The following MTCH2 variants were observed in gnomAD, a reference collection of about 807,000 sequenced individuals.
The protein encoded by MTCH2 is mitochondrial carrier 2, also known as mitochondrial carrier homolog 2.
A neutral mutation model predicts 50.6 loss-of-function variants in MTCH2; 25 were observed. The ratio of observed to expected loss-of-function variants is 0.49; its 90% confidence interval spans 0.36 to 0.69. The LOEUF (loss-of-function observed/expected upper bound fraction) is 0.69. Ranked by LOEUF, MTCH2 falls within the 30% of genes least tolerant of loss-of-function variation. The probability of loss-of-function intolerance (pLI) is 0.00; values close to 1 mark genes in which losing one functional copy is unlikely to be tolerated. For missense variants in MTCH2, 273 were observed against 384.4 expected, an observed-to-expected ratio of 0.71 and a Z score of 2.42; for synonymous variants, 106 against 132.0, an observed-to-expected ratio of 0.80 and a Z score of 1.35.
intron 10 of MTCH2, among the ~76,000 whole-genome samples, chr11:47,626,623 T>C (rs1211577278): frequency 1.3e-5 from 2 of 151,874 alleles, no homozygotes; most frequent in East Asian, 1.9e-4. Context: ...TATTCTCTCT[T>C]TTTTTTTGAG....
intron 5 of MTCH2, among the ~76,000 whole-genome samples, chr11:47,632,810 C>A (rs551717644): frequency 6.6e-6 from 1 of 151,144 alleles, no homozygotes; most frequent in African/African-American, 2.4e-5. Context: ...GTGATTCTCC[C>A]GCCTCAGCCT....
chr11:47,641,874 C>G (rs1400979465), intron 1 of MTCH2, among the ~76,000 whole-genome samples: 1 of 150,388 alleles, frequency 6.6e-6, no homozygotes, highest in Non-Finnish European at 1.5e-5. Context: ...AACCTCGGAA[C>G]AGAAAAGCAG....
the MTCH2 span, among the ~76,000 whole-genome samples, chr11:47,610,499 GTT>G: frequency 6.6e-6 from 1 of 152,120 alleles, no homozygotes; most frequent in African/African-American, 2.4e-5. Context: ...GAGGTCAGGA[GTT>G]TGAGACCAGC....
chr11:47,635,204 A>G (rs1310122339), intron 4 of MTCH2, among the ~76,000 whole-genome samples: 1 of 152,016 alleles, frequency 6.6e-6, no homozygotes, highest in Non-Finnish European at 1.5e-5. Context: ...TCAACCTCCC[A>G]TGTAGCTGAG....
intron 1 of MTCH2, among the ~76,000 whole-genome samples, chr11:47,640,990 G>A (rs2097313655): frequency 1.3e-5 from 2 of 151,566 alleles, no homozygotes; most frequent in Non-Finnish European, 2.9e-5. Context: ...TTCACCTCCC[G>A]GGTTCAAGCG....
intron 12 of MTCH2, among the ~76,000 whole-genome samples, chr11:47,620,503 A>AT (rs2097292344): frequency 6.6e-6 from 1 of 151,928 alleles, no homozygotes; most frequent in Non-Finnish European, 1.5e-5. Flanking sequence ...AAACAAAAAA[A>AT]TTAACAGGAC....
chr11:47,616,512 G>C (rs1484734848), downstream of MTCH2, among the ~76,000 whole-genome samples: 1 of 149,744 alleles, frequency 6.7e-6, no homozygotes, highest in Non-Finnish European at 1.5e-5. Flanking sequence ...TAATTTTTTT[G>C]TATTTTTAGT....
At chr11:47,636,470 G>A (rs1236385051) in intron 3 of MTCH2, among the ~76,000 whole-genome samples, 2 of 151,824 alleles carry the variant, frequency 1.3e-5, no homozygotes, top group African/African-American at 2.4e-5. Context: ...GGTGCCTCAC[G>A]CCTGTAATCC....
the MTCH2 span, among the ~76,000 whole-genome samples, chr11:47,611,138 G>A: frequency 2.6e-5 from 4 of 152,314 alleles, no homozygotes; most frequent in East Asian, 1.9e-4. Flanking sequence ...GACAGTAAGC[G>A]CCAAAGAGGA....
chr11:47,642,280 G>C (rs2097314989), intron 1 of MTCH2, 99 bp downstream of exon 1: 9 of 1,030,684 alleles, frequency 8.7e-6, no homozygotes, highest in Non-Finnish European at 1.1e-5. Context: ...CATCTCGGGA[G>C]AATGAAAGGC....
chr11:47,638,410 G>A (rs1192748188), intron 3 of MTCH2, among the ~76,000 whole-genome samples: 2 of 137,418 alleles, frequency 1.5e-5, no homozygotes, highest in Admixed American at 7.7e-5. Context: ...TTAGCCGGGC[G>A]CAGTGGCGGG....
chr11:47,634,160 C>CA (rs1429914709), intron 5 of MTCH2, among the ~76,000 whole-genome samples: 3 of 152,176 alleles, frequency 2.0e-5, no homozygotes, highest in African/African-American at 7.2e-5. Flanking sequence ...ACTGCAGCCT[C>CA]AACTTCCTGG....
downstream of MTCH2, among the ~76,000 whole-genome samples, chr11:47,617,122 C>T (rs1452935062): frequency 2.0e-5 from 3 of 152,310 alleles, no homozygotes; most frequent in East Asian, 5.8e-4. Context: ...TTGGATGCAG[C>T]AAGACTGAAA....
intron 9 of MTCH2, among the ~76,000 whole-genome samples, chr11:47,627,410 C>T (rs934269990): frequency 6.6e-6 from 1 of 151,582 alleles, no homozygotes; most frequent in Non-Finnish European, 1.5e-5. Flanking sequence ...CCCACCTTGA[C>T]CTCTCAAAGT....
chr11:47,625,434 A>T (rs56996351), intron 11 of MTCH2, among the ~76,000 whole-genome samples: 4,802 of 134,510 alleles, frequency 0.036, 183 homozygotes, highest in African/African-American at 0.1. Flanking sequence ...AAAAAAAAAA[A>T]AATAATAATA....
rs143465997 is a variant in MTCH2 at position 47,621,288 on chromosome 11, A to C, written c.825+1413T>G. ...TTATATATCACTAGTGCTATAAAAT[A>C]ATGCAACAAAGAGCTTCTTTATACG... On this transcript the variant is annotated intron_variant, in intron 12 of 12. Transcript: ENST00000302503. 1.9e-3 allele frequency among the ~76,000 whole-genome samples: 289 copies of C among 152,336 alleles called. 1 individual carries two copies. The highest frequency in any genetic ancestry group is 0.014 in the Middle Eastern group (4 of 294).
At position 47,630,556 on chromosome 11, in the gene MTCH2, C is replaced by A; in HGVS notation, c.538G>T (p.Ala180Ser). The change falls in exon 8 of 13, where the codon GCG becomes TCG. Residue 180 changes from alanine (A) to serine (S), a missense_variant and splice_region_variant. This residue lies in a region of MTCH2 where 203 missense variants were observed against 244.3 expected (regional missense o/e 0.83). Transcript: ENST00000302503. ...ACACACTAATCAACATTTACTCACG[C>A]GAAAAATCCTAGAATGCCCTCTTCC... ...YREEGILGFF[A>S]GLVPRLLGDI... 1 of 1,610,688 alleles carries A rather than the reference C, an allele frequency of 6.2e-7. No homozygotes were observed. Among genetic ancestry groups the A allele is most frequent in the Admixed American group, 1.7e-5 (1 of 59,988 alleles).
chr11:47,638,773 C>T lies in MTCH2; in HGVS notation c.205G>A (p.Gly69Arg), dbSNP rs535509972. ...QHIASIDGRRGLFTGLTPRLC... is the reference protein window; with the variant it reads ...QHIASIDGRRRLFTGLTPRLC... ...CTTGGAGTTAAGCCTGTGAACAACC[C>T]GCGCCTCCCATCGATACTGGCAATG... Residue 69 changes from glycine to arginine, a missense_variant, in exon 3 of 13, where the codon GGG becomes AGG. Physicochemically the swap from Gly to Arg is moderately radical, Grantham distance 125. Around this residue, in one of 2 missense-constraint regions of MTCH2, gnomAD observed 203 missense variants for 244.3 expected, o/e 0.83. Coordinates refer to ENST00000302503, the MANE Select transcript of MTCH2 (RefSeq NM_014342.4). The T allele has an allele frequency of 2.3e-5, 37 of 1,614,276 alleles. No individual in the cohort carries two copies. The highest frequency in any genetic ancestry group is 3.3e-4 in the Middle Eastern group (2 of 6,062).
chr11:47,638,965 A>C lies in MTCH2; in HGVS notation c.172+2T>G. 1 of 1,611,124 alleles carries C rather than the reference A, an allele frequency of 6.2e-7. No homozygotes were observed. The highest frequency in any genetic ancestry group is 8.5e-7 in the Non-Finnish European group (1 of 1,178,312). On this transcript the variant is annotated splice_donor_variant, in intron 2 of 12. Coordinates refer to ENST00000302503, the MANE Select transcript of MTCH2 (RefSeq NM_014342.4). LOFTEE classifies it high-confidence loss of function. ...AAACCCAAATAAATCAAAGGCACTTACCATAACTAAAGAGACCAGGAAGCT... is the reference window on the plus strand; with the variant it reads ...AAACCCAAATAAATCAAAGGCACTTCCCATAACTAAAGAGACCAGGAAGCT...
Sources: gnomAD v4.1 joint callset for allele counts (sites outside exome capture counted in the v4.1 genomes callset) on GRCh38, gnomAD v4.1.1 for gene constraint, gnomAD v4.1.1 regional missense constraint, MANE v1.5 for transcripts, NCBI Gene and HGNC (gene_info 2026-07-23, HGNC 2026-07-21) for gene names.